The following ANO10 variants were observed in gnomAD, a reference collection of about 807,000 sequenced individuals.
ANO10 encodes anoctamin 10.
A neutral mutation model predicts 74.7 loss-of-function variants in ANO10; 77 were observed. The ratio of observed to expected loss-of-function variants is 1.03; its 90% CI spans 0.86 to 1.25. The LOEUF is 1.25. ANO10 is among the 50% of genes most tolerant of loss of function. The probability of loss-of-function intolerance (pLI) is 0.00; values close to 1 mark genes in which losing one functional copy is unlikely to be tolerated. For missense variants in ANO10, 721 were observed against 778.1 expected (o/e 0.93, Z 0.87); for synonymous variants, 279 against 284.9 (o/e 0.98, Z 0.21).
intron 1 of ANO10, among the ~76,000 whole-genome samples, chr3:43,636,031 A>AAC (rs1289050674): frequency 4.6e-5 from 7 of 152,044 alleles, no homozygotes; most frequent in African/African-American, 1.7e-4. Flanking sequence ...ACAAAAAAAA[A>AAC]CAAAAAAAAC....
At chr3:43,444,399 T>G (rs1445136256) in intron 11 of ANO10, among the ~76,000 whole-genome samples, 1 of 152,204 alleles carries the variant, frequency 6.6e-6, no homozygotes. Context: ...TATGTGTGAT[T>G]TGGAGCTTGC....
intron 12 of ANO10, among the ~76,000 whole-genome samples, chr3:43,396,053 G>A (rs1402122550): frequency 6.6e-6 from 1 of 151,642 alleles, no homozygotes; most frequent in Non-Finnish European, 1.5e-5. Context: ...TATTCTGAAT[G>A]CCTTTTATTA....
At chr3:43,658,922 T>C (rs754425498) in intron 1 of ANO10, among the ~76,000 whole-genome samples, 6 of 152,198 alleles carry the variant, frequency 3.9e-5, no homozygotes, top group Non-Finnish European at 7.3e-5. Context: ...ATAGTCTATT[T>C]CTTGACCTGG....
At chr3:43,485,100 T>G in intron 11 of ANO10, 1 of 1,052,302 alleles carries the variant, frequency 9.5e-7, no homozygotes, top group East Asian at 2.5e-5. Context: ...CGGCACTTGC[T>G]GGCTGCGATC....
chr3:43,564,726 A>C (rs950504747), intron 8 of ANO10, among the ~76,000 whole-genome samples: 3 of 152,214 alleles, frequency 2.0e-5, no homozygotes, highest in Non-Finnish European at 4.4e-5. Flanking sequence ...GGGATGAGTT[A>C]AGTTTCTTGG....
At chr3:43,448,140 G>A (rs1209123743) in intron 11 of ANO10, among the ~76,000 whole-genome samples, 1 of 152,154 alleles carries the variant, frequency 6.6e-6, no homozygotes, top group Non-Finnish European at 1.5e-5. Flanking sequence ...AATCAAATCT[G>A]CCAGCATCTT....
intron 11 of ANO10, among the ~76,000 whole-genome samples, chr3:43,468,990 G>A (rs2075744085): frequency 1.4e-5 from 2 of 147,824 alleles, no homozygotes; most frequent in East Asian, 2.0e-4. Context: ...GATTACAGGT[G>A]TGAGCCACCA....
intron 1 of ANO10, chr3:43,618,070 G>T (rs2083208229): frequency 6.6e-6 from 1 of 152,246 alleles, no homozygotes; most frequent in African/African-American, 2.4e-5. Flanking sequence ...CTCCCTCCTT[G>T]TACCTAGGGC....
At chr3:43,410,942 T>G (rs2092654766) in intron 12 of ANO10, among the ~76,000 whole-genome samples, 2 of 151,980 alleles carry the variant, frequency 1.3e-5, no homozygotes, top group Non-Finnish European at 2.9e-5. Context: ...AATAAACGAC[T>G]GCAGTTCTGG....
intron 11 of ANO10, among the ~76,000 whole-genome samples, chr3:43,504,830 C>A (rs1001176262): frequency 1.3e-5 from 2 of 152,034 alleles, no homozygotes; most frequent in South Asian, 2.1e-4. Context: ...TTAGTAGAGA[C>A]AGGGTTTCAA....
intron 12 of ANO10, among the ~76,000 whole-genome samples, chr3:43,386,897 T>G (rs1575627734): frequency 6.6e-6 from 1 of 152,168 alleles, no homozygotes; most frequent in East Asian, 1.9e-4. Context: ...GCCTGGGATC[T>G]CCACTGGGAG....
intron 11 of ANO10, among the ~76,000 whole-genome samples, chr3:43,466,501 A>G (rs2075633821): frequency 6.6e-6 from 1 of 152,080 alleles, no homozygotes. Context: ...ACAAGGTGCG[A>G]AAGTAATCAA....
At chr3:43,593,821 G>C (rs1467775584) in intron 4 of ANO10, among the ~76,000 whole-genome samples, 1 of 152,146 alleles carries the variant, frequency 6.6e-6, no homozygotes, top group Non-Finnish European at 1.5e-5. Context: ...CTGGCAAATT[G>C]GATAAAGAGT....
intron 1 of ANO10, chr3:43,636,432 G>A (rs1320798542): frequency 6.6e-6 from 1 of 152,252 alleles, no homozygotes; most frequent in African/African-American, 2.4e-5. Context: ...GTCCAGGGAG[G>A]ATAACAGGGG....
At chr3:43,429,977 C>T (rs143522423) in intron 12 of ANO10, among the ~76,000 whole-genome samples, 1 of 152,250 alleles carries the variant, frequency 6.6e-6, no homozygotes, top group Non-Finnish European at 1.5e-5. Context: ...AACCAATTTA[C>T]ACTTCTGTCA....
intron 12 of ANO10, among the ~76,000 whole-genome samples, chr3:43,393,924 T>C (rs901566975): frequency 6.6e-6 from 1 of 152,032 alleles, no homozygotes; most frequent in African/African-American, 2.4e-5. Flanking sequence ...AGACCCCCTC[T>C]ACCTGCTGCC....
chr3:43,479,997 A>C (rs896623361), intron 11 of ANO10, among the ~76,000 whole-genome samples: 1 of 152,238 alleles, frequency 6.6e-6, no homozygotes, highest in Non-Finnish European at 1.5e-5. Context: ...CAAAGCAGAG[A>C]TCAGAAGAAA....
Position 43,409,721 on chromosome 3 carries a change from T to C in ANO10, c.1914+22890A>G, listed in dbSNP as rs916818145. On this transcript the variant is annotated intron_variant, in intron 12 of 12. Coordinates refer to ENST00000292246, the MANE Select transcript of ANO10 (RefSeq NM_018075.5). ...AATTTTTACCAGTTACTTTTAATAA[T>C]AACAACAAAAGAACAACTATAACCA... 5.3e-5 allele frequency among the ~76,000 whole-genome samples: 8 copies of C among 152,160 alleles called. No homozygotes were observed. The South Asian group carries it at 8.3e-4, about 16-fold the overall frequency.
rs140097085 is a variant in ANO10 at position 43,588,178 on chromosome 3, A to G, written c.473-7706T>C. ...ACTTCATCCAGAACTTGTATTGTTAATATTAAAATTAGCATGCCTTACAAG... is the reference window on the plus strand; with the variant it reads ...ACTTCATCCAGAACTTGTATTGTTAGTATTAAAATTAGCATGCCTTACAAG... On this transcript the variant is annotated intron_variant, in intron 4 of 12. Coordinates refer to ENST00000292246, the MANE Select transcript of ANO10 (RefSeq NM_018075.5). Among the ~76,000 whole-genome samples the G allele has an allele frequency of 2.1e-3, 322 of 152,330 alleles. 2 individuals are homozygous for G. The highest frequency in any genetic ancestry group is 7.1e-3 in the African/African-American group (297 of 41,586).
Sources: gnomAD v4.1 joint callset for allele counts (sites outside exome capture counted in the v4.1 genomes callset) on GRCh38, gnomAD v4.1.1 for gene constraint, MANE v1.5 for transcripts, NCBI Gene and HGNC (gene_info 2026-07-23, HGNC 2026-07-21) for gene names.